NUP210L: variants seen among roughly 807,000 people sequenced by gnomAD.
The protein encoded by NUP210L is nucleoporin 210 like.
Under a neutral mutation model 208.5 loss-of-function variants are expected in NUP210L, and 74 were observed. The ratio of observed to expected loss-of-function variants is 0.35; its 90% CI spans 0.29 to 0.43. NUP210L has a LOEUF of 0.43. Ranked by LOEUF, NUP210L falls within the 20% of genes least tolerant of loss-of-function variation. The pLI, the probability that NUP210L is intolerant of heterozygous loss-of-function variation, is 1.00. For synonymous variants in NUP210L, 780 were observed against 816.9 expected (o/e 0.95, Z 0.77); for missense variants, 1,843 against 2,289.4 (o/e 0.81, Z 3.98).
chr1:154,029,777 C>A (rs1395924764), intron 28 of NUP210L, 119 bp downstream of exon 28: 4 of 739,932 alleles, frequency 5.4e-6, no homozygotes, highest in Non-Finnish European at 6.6e-6. Context: ...CAAACCTGTT[C>A]CAGGAATCGC....
intron 37 of NUP210L, among the ~76,000 whole-genome samples, chr1:153,999,709 C>G (rs1210082553): frequency 7.5e-6 from 1 of 132,830 alleles, no homozygotes; most frequent in Non-Finnish European, 1.5e-5. Flanking sequence ...TGCACTCCAG[C>G]CTGGGTGACA....
At chr1:154,112,841 A>G (rs1373333358) in intron 12 of NUP210L, among the ~76,000 whole-genome samples, 1 of 146,752 alleles carries the variant, frequency 6.8e-6, no homozygotes, top group East Asian at 2.1e-4. Context: ...GGGCAACAGA[A>G]TGAGACCCTG....
At chr1:154,011,679 G>GT (rs34653809) in intron 34 of NUP210L, among the ~76,000 whole-genome samples, 1,257 of 78,446 alleles carry the variant, frequency 0.016, 141 homozygotes, top group Non-Finnish European at 0.019. Flanking sequence ...ATTATCTTAA[G>GT]TTTTTTTTTT....
intron 28 of NUP210L, among the ~76,000 whole-genome samples, chr1:154,028,548 C>G (rs1471328828): frequency 6.6e-6 from 1 of 152,112 alleles, no homozygotes; most frequent in Admixed American, 6.5e-5. Flanking sequence ...GATCATGCTA[C>G]TGCACTCCAG....
chr1:154,095,105 T>C (rs1455543233), exon 15 of NUP210L: 3 of 1,614,136 alleles, frequency 1.9e-6, no homozygotes, highest in Non-Finnish European at 2.5e-6. Flanking sequence ...TCAAATACCA[T>C]TTCCTTCACA....
At chr1:153,995,848 C>T (rs1056928451) in intron 37 of NUP210L, 124 of 594,376 alleles carry the variant, frequency 2.1e-4, no homozygotes, top group Non-Finnish European at 3.0e-4. Flanking sequence ...AACAACATGT[C>T]GGGTTCCATG....
intron 31 of NUP210L, 96 bp downstream of exon 31, chr1:154,023,026 G>C (rs1571179674): frequency 7.8e-7 from 1 of 1,277,024 alleles, no homozygotes; most frequent in East Asian, 2.5e-5. Flanking sequence ...TCCAAATTCA[G>C]AATGTGAGAG....
At chr1:154,088,852 T>C (rs1316787859) in intron 16 of NUP210L, among the ~76,000 whole-genome samples, 4 of 152,198 alleles carry the variant, frequency 2.6e-5, no homozygotes, top group African/African-American at 9.6e-5. Context: ...TTGTTTATTA[T>C]ATAATATGAT....
rs368691641 is a variant in NUP210L at position 153,993,185 on chromosome 1, TTAAAAA to T, written c.5492-102_5492-97del. 3.9e-4 allele frequency: 307 copies of T among 781,074 alleles called. 1 individual carries two copies. Among genetic ancestry groups the T allele is most frequent in the Middle Eastern group, 1.9e-3 (6 of 3,132 alleles). 48.4% of individuals were successfully genotyped at this position (781,074 alleles called of 1,614,324 possible). A position where few individuals can be genotyped will look rare whatever the true frequency, so the allele number is the denominator to read the frequency against. ...ATGAGAATATTGCTAAAAATAATTC[TTAAAAA>T]TAAGTAATAGTAATGGCACTATTAC... On this transcript the variant is annotated intron_variant, in intron 38 of 39. Transcript: ENST00000368559.
At chr1:154,096,330 T>C (rs963524474) in intron 14 of NUP210L, among the ~76,000 whole-genome samples, 16 of 152,344 alleles carry the variant, frequency 1.1e-4, no homozygotes, top group African/African-American at 3.6e-4. Flanking sequence ...TTCTCTTAAA[T>C]AATGTATATA....
chr1:154,042,794 C>T (rs1571205804), intron 27 of NUP210L, among the ~76,000 whole-genome samples: 1 of 151,850 alleles, frequency 6.6e-6, no homozygotes, highest in African/African-American at 2.4e-5. Context: ...AATCTCGGCT[C>T]ACTGCCTCTT....
In NUP210L at chr1:154,126,190, G is replaced by A. The variant is rs181566721; in HGVS notation, c.1326+133C>T. 1.4e-3 allele frequency: 1,004 copies of A among 707,480 alleles called. 2 individuals carry two copies. Among genetic ancestry groups the A allele is most frequent in the Middle Eastern group, 2.8e-3 (11 of 3,978 alleles). 43.8% of individuals were successfully genotyped at this position (707,480 alleles called of 1,614,324 possible). Reference sequence around the variant, plus strand: ...AAAATTTGTAGAGGTATACACTTACGAATTTGCTGTTTATCTGTTTATTTT... The same window carrying A: ...AAAATTTGTAGAGGTATACACTTACAAATTTGCTGTTTATCTGTTTATTTT... On this transcript the variant is annotated intron_variant, in intron 10 of 39. Coordinates refer to ENST00000368559, the Ensembl canonical transcript of NUP210L.
chr1:154,096,425 A>T (rs2148056171), intron 14 of NUP210L, among the ~76,000 whole-genome samples: 1 of 152,316 alleles, frequency 6.6e-6, no homozygotes, highest in Admixed American at 6.5e-5. Context: ...ACAATCTGGG[A>T]GAGACAGACT....
intron 2 of NUP210L, among the ~76,000 whole-genome samples, chr1:154,152,352 T>G (rs1659439110): frequency 6.6e-6 from 1 of 151,780 alleles, no homozygotes. Context: ...TTTTGTATTT[T>G]TAGTAGAGAC....
At chr1:154,054,671 G>C in intron 24 of NUP210L, 99 bp downstream of exon 24, 2 of 933,386 alleles carry the variant, frequency 2.1e-6, no homozygotes, top group Non-Finnish European at 3.4e-6. Flanking sequence ...TTGGGTGAGA[G>C]TAAATAAGAG....
At chr1:154,127,863 A>AT (rs1045122154) in intron 8 of NUP210L, among the ~76,000 whole-genome samples, 6 of 150,196 alleles carry the variant, frequency 4.0e-5, no homozygotes, top group Non-Finnish European at 3.0e-5. Flanking sequence ...TCTAAAGTAG[A>AT]TTTTTTTGTT....
intron 17 of NUP210L, among the ~76,000 whole-genome samples, chr1:154,064,889 A>G (rs1379550141): frequency 6.6e-6 from 1 of 151,838 alleles, no homozygotes; most frequent in African/African-American, 2.4e-5. Flanking sequence ...AGCCTGGCCA[A>G]CATAGTGAAA....
intron 6 of NUP210L, among the ~76,000 whole-genome samples, chr1:154,137,627 A>T (rs1323522721): frequency 6.6e-6 from 1 of 151,714 alleles, no homozygotes; most frequent in Non-Finnish European, 1.5e-5. Flanking sequence ...AGGTGGGAGG[A>T]TCACTTGAGC....
intron 35 of NUP210L, among the ~76,000 whole-genome samples, chr1:154,004,429 G>A (rs1038126201): frequency 3.3e-5 from 5 of 151,062 alleles, no homozygotes; most frequent in African/African-American, 1.2e-4. Flanking sequence ...GTGCAGTGGT[G>A]CGATCTCAGC....
Sources: gnomAD v4.1 joint callset for allele counts (sites outside exome capture counted in the v4.1 genomes callset) on GRCh38, gnomAD v4.1.1 for gene constraint, MANE v1.5 for transcripts, NCBI Gene and HGNC (gene_info 2026-07-23, HGNC 2026-07-21) for gene names.